Variants in MYO10 observed in about 807,000 individuals in gnomAD.
MYO10 encodes the protein unconventional myosin-X.
MYO10 carries 133 observed loss-of-function variants against 257.3 expected under a neutral mutation model. The ratio of observed to expected loss-of-function variants is 0.52; its 90% CI spans 0.45 to 0.60. MYO10 has a LOEUF of 0.60. MYO10 is among the 20% of genes least tolerant of loss of function. MYO10 has a pLI of 0.00. For missense variants in MYO10, 2,399 were observed against 2,635.7 expected (o/e 0.91, Z 1.97); for synonymous variants, 1,104 against 1,028.6 (o/e 1.07, Z -1.40).
intron 1 of MYO10, among the ~76,000 whole-genome samples, chr5:16,896,553 A>T (rs1011262160): frequency 2.6e-5 from 4 of 152,138 alleles, no homozygotes; most frequent in African/African-American, 7.2e-5. Context: ...AGATCGTGCC[A>T]CTGCGCTCCA....
chr5:16,898,847 G>C (rs74290305), intron 1 of MYO10, among the ~76,000 whole-genome samples: 18,059 of 151,206 alleles, frequency 0.12, 1,249 homozygotes, highest in East Asian at 0.32. Flanking sequence ...AAAATCTAGA[G>C]ATGTAATTCA....
At chr5:16,880,419 C>T (rs999232772) in intron 1 of MYO10, among the ~76,000 whole-genome samples, 1 of 150,766 alleles carries the variant, frequency 6.6e-6, no homozygotes, top group Non-Finnish European at 1.5e-5. Context: ...GAGAGTTATA[C>T]GACTCTCCTA....
At chr5:16,755,720 CTTTTTT>C (rs544255942) in intron 18 of MYO10, among the ~76,000 whole-genome samples, 1 of 130,796 alleles carries the variant, frequency 7.6e-6, no homozygotes, top group East Asian at 2.3e-4. Flanking sequence ...TCTTTTCCAA[CTTTTTT>C]TTTTTTTTTT....
At chr5:16,815,149 C>G in intron 3 of MYO10, 1 of 286,106 alleles carries the variant, frequency 3.5e-6, no homozygotes. Flanking sequence ...GGCAACATAG[C>G]AAGACACTAT....
At position 16,670,968 on chromosome 5, in the gene MYO10, G is replaced by A. The variant is rs766750397; in HGVS notation, c.5441C>T (p.Ala1814Val). 36 of 1,608,120 alleles carry A rather than the reference G, an allele frequency of 2.2e-5. No individual in the cohort carries two copies. Among genetic ancestry groups the A allele is most frequent in the South Asian group, 8.8e-5 (8 of 90,712 alleles). ...FAFMFEQAHE[A>V]VIHGHHPAPE... ...GGCTGGATGGTGGCCATGGATAACC[G>A]CTTCGTGGGCCTGAAAGGAGACAGT... Residue 1814 changes from alanine (A) to valine (V), a missense_variant, in exon 39 of 41, where the codon GCG becomes GTG. By Grantham distance (64) the Ala-to-Val change is moderately conservative. Transcript: ENST00000513610.
chr5:16,814,000 A>G (rs1742521462), intron 3 of MYO10, among the ~76,000 whole-genome samples: 2 of 152,180 alleles, frequency 1.3e-5, no homozygotes, highest in Admixed American at 1.3e-4. Context: ...CTCCAACTGC[A>G]AGTAACTGAA....
At chr5:16,688,750 G>GA (rs5866201) in intron 28 of MYO10, among the ~76,000 whole-genome samples, 37,540 of 134,386 alleles carry the variant, frequency 0.28, 4,963 homozygotes, top group African/African-American at 0.35. Flanking sequence ...CAAAAAAAAA[G>GA]AAAAAAAAAA....
intron 1 of MYO10, among the ~76,000 whole-genome samples, chr5:16,895,955 TG>T (rs1745207010): frequency 6.6e-6 from 1 of 152,154 alleles, no homozygotes; most frequent in Admixed American, 6.5e-5. Flanking sequence ...GGAGCTCCCC[TG>T]GGAAGCCAGC....
At chr5:16,684,022 A>C in intron 29 of MYO10, 87 bp from the exon 30 acceptor site, 3 of 1,206,274 alleles carry the variant, frequency 2.5e-6, no homozygotes, top group Non-Finnish European at 3.6e-6. Context: ...ACAACTCCCA[A>C]TCAGACAGAA....
At chr5:16,724,360 T>C (rs1273693821) in intron 19 of MYO10, among the ~76,000 whole-genome samples, 5 of 152,178 alleles carry the variant, frequency 3.3e-5, no homozygotes, top group Non-Finnish European at 1.5e-5. Flanking sequence ...GGTTTCTTAC[T>C]GTTGGAGCGA....
chr5:16,821,410 C>T (rs1032853039), intron 2 of MYO10, among the ~76,000 whole-genome samples: 1 of 146,260 alleles, frequency 6.8e-6, no homozygotes, highest in African/African-American at 2.5e-5. Flanking sequence ...AGTTCCCCAC[C>T]TTCATACATT....
At chr5:16,723,938 C>T (rs187068409) in intron 19 of MYO10, among the ~76,000 whole-genome samples, 2 of 152,138 alleles carry the variant, frequency 1.3e-5, no homozygotes, top group East Asian at 3.9e-4. Flanking sequence ...TCAGTGGTTG[C>T]CAGGGGTCGG....
intron 4 of MYO10, among the ~76,000 whole-genome samples, chr5:16,793,582 TAA>T (rs1362998433): frequency 6.6e-6 from 1 of 152,142 alleles, no homozygotes; most frequent in East Asian, 1.9e-4. Flanking sequence ...CTTGGCCTCC[TAA>T]AGTGCTGGGA....
chr5:16,744,143 G>A (rs1273965381), intron 19 of MYO10, among the ~76,000 whole-genome samples: 2 of 152,124 alleles, frequency 1.3e-5, no homozygotes, highest in African/African-American at 2.4e-5. Context: ...GAGAGAAAAG[G>A]TCTTAAAACA....
In MYO10 at chr5:16,760,982, AATTT is replaced by A. The variant is rs879648526; in HGVS notation, c.1739+478_1739+481del. Among the ~76,000 whole-genome samples, 44 of 138,158 alleles carry A rather than the reference AATTT, an allele frequency of 3.2e-4. No individual in the cohort carries two copies. In the East Asian group the frequency reaches 3.5e-3, roughly 11 times the overall value. 90.6% of individuals were successfully genotyped at this position (138,158 alleles called of 152,430 possible). ...TGCTTATATTATTATTATTATTATT[AATTT>A]ATTTATTTATTTATTTATTTTGAGA... is the stretch of plus-strand genomic sequence containing the variant. On this transcript the variant is annotated intron_variant, in intron 17 of 40. Transcript: ENST00000513610.
chr5:16,836,024 T>C (rs1174709397), intron 2 of MYO10, among the ~76,000 whole-genome samples: 3 of 152,076 alleles, frequency 2.0e-5, no homozygotes, highest in Non-Finnish European at 4.4e-5. Flanking sequence ...GGTCTGAATA[T>C]CTAAGAGCCA....
At position 16,902,299 on chromosome 5, in the gene MYO10, T is replaced by C. The variant is rs191195388; in HGVS notation, c.22-24592A>G. ...GTCTTTAAGAACTCAGCTCCTTACA[T>C]GGGCTTTGGTAGGGGACATGGGGCA... On this transcript the variant is annotated intron_variant, in intron 1 of 40. Coordinates refer to ENST00000513610, the MANE Select transcript of MYO10 (RefSeq NM_012334.3). 11 of 813,648 alleles carry C rather than the reference T, an allele frequency of 1.4e-5. No individual in the cohort carries two copies. The African/African-American group carries it at 1.5e-4, about 11-fold the overall frequency. The allele number at this position is 813,648 out of a possible 1,614,324, so 50.4% of individuals were successfully genotyped here. A position where few individuals can be genotyped will look rare whatever the true frequency, so the allele number is the denominator to read the frequency against.
intron 1 of MYO10, among the ~76,000 whole-genome samples, chr5:16,894,155 C>A (rs1269360580): frequency 1.3e-5 from 2 of 152,174 alleles, no homozygotes; most frequent in East Asian, 3.9e-4. Context: ...GGCACCTTAC[C>A]ATGAACTCAA....
At position 16,675,182 on chromosome 5, in the gene MYO10, C is replaced by T. The variant is rs766140193; in HGVS notation, c.4667-32G>A. On this transcript the variant is annotated intron_variant, in intron 34 of 40. Transcript: ENST00000513610. The stretch of plus-strand genomic sequence containing the variant: ...CAAGCAAAACAAACACGGAACTCAT[C>T]TGAGGGGTTCAGAATAGGGCATGAG... 1.2e-5 allele frequency: 19 copies of T among 1,607,760 alleles called. No individual in the cohort carries two copies. The East Asian group carries it at 3.3e-4, about 28-fold the overall frequency.
Sources: gnomAD v4.1 joint callset for allele counts (sites outside exome capture counted in the v4.1 genomes callset) on GRCh38, gnomAD v4.1.1 for gene constraint, MANE v1.5 for transcripts, NCBI Gene and HGNC (gene_info 2026-07-23, HGNC 2026-07-21) for gene names.